TRRAP: variants seen among roughly 807,000 people sequenced by gnomAD.
TRRAP encodes transformation/transcription domain associated protein.
TRRAP carries 41 observed loss-of-function variants against 438.8 expected under a neutral mutation model. The ratio of observed to expected loss-of-function variants is 0.09; its 90% CI spans 0.07 to 0.12. TRRAP has a LOEUF of 0.12. TRRAP is among the 10% of genes least tolerant of loss of function. TRRAP has a pLI of 1.00. For missense variants in TRRAP, 3,122 were observed against 5,055.1 expected (o/e 0.62, Z 11.60); for synonymous variants, 1,994 against 1,962.9 (o/e 1.02, Z -0.42).
rs1221465259 is a variant in TRRAP at position 98,965,720 on chromosome 7, G to C, written c.7001G>C (p.Ser2334Thr). 2 of 1,614,060 alleles carry C rather than the reference G, an allele frequency of 1.2e-6. No homozygotes were observed. The highest frequency in any genetic ancestry group is 1.7e-6 in the Non-Finnish European group (2 of 1,180,048). The change falls in exon 49 of 73, where the codon AGT becomes ACT. Residue 2334 changes from serine to threonine, a missense_variant. Ser to Thr is a moderately conservative substitution (Grantham distance 58, BLOSUM62 1). Coordinates refer to ENST00000456197, the MANE Select transcript of TRRAP (RefSeq NM_001375524.1). ...TSGTSELVML[S>T]LELVKTRLAV... ...GGTACAAGCGAGCTGGTGATGCTGA[G>C]TCTGGAGCTGGTGAAGACGCGCCTG...
intron 21 of TRRAP, among the ~76,000 whole-genome samples, chr7:98,922,487 C>T (rs1352524758): frequency 1.3e-5 from 2 of 152,156 alleles, no homozygotes; most frequent in Admixed American, 1.3e-4. Flanking sequence ...CTGTGTTGAA[C>T]ACCCACCGTC....
At chr7:98,893,707 G>A (rs1262721791) in intron 5 of TRRAP, 91 bp from the exon 6 acceptor site, 1 of 1,117,406 alleles carries the variant, frequency 8.9e-7, no homozygotes, top group Non-Finnish European at 1.3e-6. Context: ...ATAGTTGGTT[G>A]ATGGAAAGTG....
chr7:98,891,567 G>C (rs1254965497), intron 4 of TRRAP, among the ~76,000 whole-genome samples: 30 of 128,846 alleles, frequency 2.3e-4, no homozygotes, highest in Non-Finnish European at 2.1e-4. Flanking sequence ...ATGGAGTCTC[G>C]CTCTGTTTCC....
intron 11 of TRRAP, 63 bp from the exon 12 acceptor site, chr7:98,903,316 A>G: frequency 6.3e-7 from 1 of 1,586,346 alleles, no homozygotes. Flanking sequence ...AGCTGATAAC[A>G]TTTGAATTTT....
At chr7:98,906,400 TGTTTTATTTA>T (rs1796731711) in intron 13 of TRRAP, 145 bp downstream of exon 13, 1 of 298,014 alleles carries the variant, frequency 3.4e-6, no homozygotes, top group Non-Finnish European at 6.2e-6. Context: ...TTTTTGTTTT[TGTTTTATTTA>T]TTTATTTATT....
At position 99,005,967 on chromosome 7, in the gene TRRAP, C is replaced by T. The variant is rs1456390194; in HGVS notation, c.10753+619C>T. Reference sequence around the variant, plus strand: ...GCAGCAGCATGCATCAGGTTTCCAGCGCGCCTCTAGCTGCTTCACACGCTG... The same window carrying T: ...GCAGCAGCATGCATCAGGTTTCCAGTGCGCCTCTAGCTGCTTCACACGCTG... On this transcript the variant is annotated intron_variant, in intron 69 of 72. Transcript: ENST00000456197. The surrounding 1 kb of genome is among the most constrained non-coding windows in gnomAD (Gnocchi z 5.1). 6.6e-6 allele frequency among the ~76,000 whole-genome samples: 1 copy of T among 152,168 alleles called. No homozygotes were observed. The highest frequency in any genetic ancestry group is 1.5e-5 in the Non-Finnish European group (1 of 68,024).
chr7:98,994,472 G>A lies in TRRAP; in HGVS notation c.10048-115G>A, dbSNP rs969248427. 4.2e-6 allele frequency: 6 copies of A among 1,440,638 alleles called. No individual in the cohort carries two copies. Among genetic ancestry groups the A allele is most frequent in the East Asian group, 2.3e-5 (1 of 43,860 alleles). The allele number at this position is 1,440,638 out of a possible 1,614,324, so 89.2% of individuals were successfully genotyped here. A position where few individuals can be genotyped will look rare whatever the true frequency, so the allele number is the denominator to read the frequency against. ...ATGCCTGCTGTGTGTGGGTCCTGCC[G>A]GGGAGTGCAGAGATGACCCTGGGCT... On this transcript the variant is annotated intron_variant, in intron 66 of 72. Coordinates refer to ENST00000456197, the MANE Select transcript of TRRAP (RefSeq NM_001375524.1). This position sits in a 1 kb window ranked among gnomAD's most constrained non-coding sequence, Gnocchi z 4.8.
At position 98,972,071 on chromosome 7, in the gene TRRAP, G is replaced by T. The variant is rs1481515845; in HGVS notation, c.7839+126G>T. The stretch of plus-strand genomic sequence containing the variant: ...TTTCTTTTTCTTTTTGAGATGGGAT[G>T]TTGCTTTGTCACCCAGCCTGCAGTC... On this transcript the variant is annotated intron_variant, in intron 53 of 72. Coordinates refer to ENST00000456197, the MANE Select transcript of TRRAP (RefSeq NM_001375524.1). The T allele has an allele frequency of 5.3e-6, 7 of 1,325,652 alleles. 1 individual carries two copies. The Middle Eastern group carries it at 1.6e-3, about 309-fold the overall frequency. The allele number at this position is 1,325,652 out of a possible 1,614,324, so 82.1% of individuals were successfully genotyped here.
intron 3 of TRRAP, among the ~76,000 whole-genome samples, chr7:98,889,832 G>A (rs1479514415): frequency 5.3e-5 from 8 of 152,058 alleles, no homozygotes; most frequent in African/African-American, 1.7e-4. Context: ...TGGGATTACC[G>A]GCATGAGCTA....
chr7:98,995,176 G>A (rs1318451362), intron 67 of TRRAP, among the ~76,000 whole-genome samples: 5 of 152,176 alleles, frequency 3.3e-5, no homozygotes, highest in Non-Finnish European at 5.9e-5. Context: ...GTAGGGTGGG[G>A]TGGTGGGAGA....
intron 67 of TRRAP, among the ~76,000 whole-genome samples, chr7:99,003,386 G>T (rs779971924): frequency 2.0e-5 from 3 of 152,136 alleles, no homozygotes; most frequent in Non-Finnish European, 4.4e-5. Context: ...GGTCGTTTCC[G>T]TTGCCTTAGG....
Position 98,910,494 on chromosome 7 carries a change from A to G in TRRAP, c.1715-16A>G. On this transcript the variant is annotated splice_polypyrimidine_tract_variant and intron_variant, in intron 15 of 72. Coordinates refer to ENST00000456197, the MANE Select transcript of TRRAP (RefSeq NM_001375524.1). Reference sequence around the variant, plus strand: ...AGTTTTATTCAAGTTAACTTAATATACTTTCTCTTTTCCAGAAGCTCAGTT... The same window carrying G: ...AGTTTTATTCAAGTTAACTTAATATGCTTTCTCTTTTCCAGAAGCTCAGTT... 1 of 1,613,966 alleles carries G rather than the reference A, an allele frequency of 6.2e-7. No homozygotes were observed.
intron 3 of TRRAP, among the ~76,000 whole-genome samples, chr7:98,889,290 A>G (rs1772834711): frequency 6.6e-6 from 1 of 152,148 alleles, no homozygotes; most frequent in Non-Finnish European, 1.5e-5. Context: ...AAAGGTACAC[A>G]GCACAGTATT....
chr7:98,993,373 C>G (rs112252270), intron 65 of TRRAP, among the ~76,000 whole-genome samples, 165 bp from the exon 66 acceptor site: 1 of 152,240 alleles, frequency 6.6e-6, no homozygotes, highest in African/African-American at 2.4e-5. Context: ...GCACCTGCGC[C>G]TAGAACCAGG....
chr7:99,008,626 T>C lies in TRRAP; in HGVS notation c.10938+65T>C. ...CAGCCCTCCTGTGTGGGGCAGTGCCTGGAGACAGGGGTGTTTAGGAGATGA... is the reference window on the plus strand; with the variant it reads ...CAGCCCTCCTGTGTGGGGCAGTGCCCGGAGACAGGGGTGTTTAGGAGATGA... On this transcript the variant is annotated intron_variant, in intron 70 of 72. Coordinates refer to ENST00000456197, the MANE Select transcript of TRRAP (RefSeq NM_001375524.1). The C allele has an allele frequency of 3.8e-6, 6 of 1,562,100 alleles. No individual in the cohort carries two copies. The South Asian group carries it at 6.9e-5, about 18-fold the overall frequency.
chr7:98,945,677 T>A, intron 31 of TRRAP, 70 bp from the exon 32 acceptor site: 3 of 1,567,340 alleles, frequency 1.9e-6, no homozygotes. Flanking sequence ...CTTACTGTGT[T>A]TGAGTATGTG....
At chr7:98,978,457 A>C (rs1792769461) in intron 57 of TRRAP, 134 bp downstream of exon 57, 3 of 818,822 alleles carry the variant, frequency 3.7e-6, no homozygotes, top group Admixed American at 2.8e-5. Context: ...GAACAAATAG[A>C]AACCCAAAAC....
intron 30 of TRRAP, among the ~76,000 whole-genome samples, 156 bp from the exon 31 acceptor site, chr7:98,942,793 T>C (rs1562952439): frequency 1.3e-5 from 2 of 152,254 alleles, no homozygotes; most frequent in African/African-American, 4.8e-5. Context: ...AAATGCCAGT[T>C]ATTCTCATCA....
At chr7:98,925,386 T>C (rs1790001047) in intron 22 of TRRAP, 123 bp downstream of exon 22, 1 of 1,346,358 alleles carries the variant, frequency 7.4e-7, no homozygotes, top group Admixed American at 2.4e-5. Context: ...AGATGCCATA[T>C]TATCTACCTA....
Sources: gnomAD v4.1 joint callset for allele counts (sites outside exome capture counted in the v4.1 genomes callset) on GRCh38, gnomAD v4.1.1 for gene constraint, Gnocchi (gnomAD v3.1) non-coding constraint, MANE v1.5 for transcripts, NCBI Gene and HGNC (gene_info 2026-07-23, HGNC 2026-07-21) for gene names.